The following KIF25 variants were observed in gnomAD, a reference collection of about 807,000 sequenced individuals.
The protein encoded by KIF25 is kinesin family member 25, also known as kinesin-like protein KIF25.
A neutral mutation model predicts 32.9 loss-of-function variants in KIF25; 19 were observed. The ratio of observed to expected loss-of-function variants is 0.58; its 90% CI spans 0.40 to 0.85. The LOEUF (loss-of-function observed/expected upper bound fraction) is 0.85. Ranked by LOEUF, KIF25 falls within the 40% of genes least tolerant of loss-of-function variation. The pLI is 0.00. For synonymous variants in KIF25, 225 were observed against 213.7 expected, an observed-to-expected ratio of 1.05 and a Z score of -0.46; for missense variants, 485 against 507.0, an observed-to-expected ratio of 0.96 and a Z score of 0.42.
intron 2 of KIF25, among the ~76,000 whole-genome samples, chr6:168,002,277 A>G: frequency 8.5e-6 from 1 of 117,382 alleles, no homozygotes; most frequent in South Asian, 2.6e-4. Flanking sequence ...GTGAGAAGAC[A>G]CCTTCAGGCG....
chr6:168,020,303 C>T (rs561358873), intron 5 of KIF25, among the ~76,000 whole-genome samples: 1 of 152,218 alleles, frequency 6.6e-6, no homozygotes, highest in African/African-American at 2.4e-5. Flanking sequence ...GAAAGAGAAA[C>T]AGTCCATCCA....
intron 7 of KIF25, among the ~76,000 whole-genome samples, chr6:168,032,592 C>G (rs1257105632): frequency 6.6e-6 from 1 of 152,220 alleles, no homozygotes; most frequent in Non-Finnish European, 1.5e-5. Context: ...CCTAGTGACT[C>G]AAACCGTCAG....
chr6:168,017,827 C>G (rs550509563), intron 4 of KIF25, 146 bp from the exon 5 acceptor site: 2 of 152,368 alleles, frequency 1.3e-5, no homozygotes, highest in South Asian at 4.1e-4. Flanking sequence ...AGCAGCCATA[C>G]ACAGTCTGTA....
At chr6:168,027,113 C>A (rs951572485) in intron 5 of KIF25, among the ~76,000 whole-genome samples, 2 of 152,120 alleles carry the variant, frequency 1.3e-5, no homozygotes, top group Admixed American at 6.6e-5. Flanking sequence ...GGCCCTCGAC[C>A]TGGGGCTTGA....
At chr6:168,035,879 A>T (rs1799018287) in intron 8 of KIF25, 1 of 423,182 alleles carries the variant, frequency 2.4e-6, no homozygotes, top group Non-Finnish European at 4.9e-6. Context: ...ATCGGAGCAG[A>T]CACGGACCGT....
At chr6:168,039,488 G>A (rs182981754) in intron 9 of KIF25, among the ~76,000 whole-genome samples, 2 of 152,372 alleles carry the variant, frequency 1.3e-5, no homozygotes, top group African/African-American at 4.8e-5. Context: ...GGCCCAGTCA[G>A]GCTGCCCATC....
intron 7 of KIF25, 51 bp from the exon 8 acceptor site, chr6:168,033,831 T>C: frequency 6.4e-7 from 1 of 1,568,328 alleles, no homozygotes; most frequent in Non-Finnish European, 8.7e-7. Flanking sequence ...TCCTGGAATC[T>C]TCTTGGCACC....
intron 4 of KIF25, among the ~76,000 whole-genome samples, chr6:168,008,847 G>T (rs1386272285): frequency 6.6e-6 from 1 of 151,924 alleles, no homozygotes; most frequent in South Asian, 2.1e-4. Flanking sequence ...GTATATAAAT[G>T]GGAGTGCCTT....
intron 4 of KIF25, among the ~76,000 whole-genome samples, chr6:168,016,031 G>T (rs757764689): frequency 2.6e-5 from 4 of 152,174 alleles, no homozygotes; most frequent in African/African-American, 7.2e-5. Flanking sequence ...GGAGCACTAG[G>T]ATTACATTCT....
intron 9 of KIF25, 29 bp from the exon 10 acceptor site, chr6:168,040,036 G>C: frequency 6.3e-7 from 1 of 1,594,572 alleles, no homozygotes. Context: ...CGCCCTCACT[G>C]TGTTCCCCAC....
At chr6:168,028,364 T>G (rs892094222) in intron 5 of KIF25, among the ~76,000 whole-genome samples, 7 of 152,116 alleles carry the variant, frequency 4.6e-5, no homozygotes, top group Non-Finnish European at 8.8e-5. Context: ...ACACCACTTA[T>G]TAAAACACCT....
intron 4 of KIF25, among the ~76,000 whole-genome samples, chr6:168,004,965 G>A (rs563133535): frequency 7.2e-4 from 110 of 152,258 alleles, no homozygotes; most frequent in Middle Eastern, 3.4e-3. Flanking sequence ...GCCAGAATGC[G>A]GACATTTCAC....
At chr6:168,022,137 A>G (rs758233247) in intron 5 of KIF25, among the ~76,000 whole-genome samples, 1 of 152,188 alleles carries the variant, frequency 6.6e-6, no homozygotes, top group Non-Finnish European at 1.5e-5. Context: ...TGAAATTCCT[A>G]TTAGATATAG....
chr6:168,003,493 A>C (rs1262574443), intron 3 of KIF25, 121 bp from the exon 4 acceptor site: 2 of 149,938 alleles, frequency 1.3e-5, no homozygotes, highest in African/African-American at 5.1e-5. Context: ...TTTTAGAGTG[A>C]CCAGGACAGA....
At chr6:168,041,730 C>T (rs946118603) in intron 10 of KIF25, among the ~76,000 whole-genome samples, 2 of 152,206 alleles carry the variant, frequency 1.3e-5, no homozygotes, top group Admixed American at 1.3e-4. Flanking sequence ...TTGATTTCCT[C>T]TGGGCCAATT....
chr6:168,044,988 C>T lies in KIF25; in HGVS notation c.1147C>T (p.Pro383Ser). The T allele has an allele frequency of 6.3e-7, 1 of 1,591,134 alleles. No homozygotes were observed. The highest frequency in any genetic ancestry group is 8.6e-7 in the Non-Finnish European group (1 of 1,167,432). The change falls in exon 13 of 13, where the codon CCG (proline) becomes TCG (serine). Residue 383 changes from proline to serine, a missense_variant. Physicochemically the swap from Pro to Ser is moderately conservative, Grantham distance 74. Transcript: ENST00000643607. ...PSSQTEGKRRPD is the reference protein window; with the variant it reads ...PSSQTEGKRRSD The stretch of plus-strand genomic sequence containing the variant: ...CTCCCAAACGGAGGGGAAGAGGAGG[C>T]CGGATTGAATGCATTAACAAGTTTT...
In KIF25 at chr6:168,029,205, A is replaced by T. The variant is rs562203104; in HGVS notation, c.-94-287A>T. Among the ~76,000 whole-genome samples, 5 of 152,360 alleles carry T rather than the reference A, an allele frequency of 3.3e-5. No homozygotes were observed. The East Asian group carries it at 9.6e-4, about 29-fold the overall frequency. Reference sequence around the variant, plus strand: ...TATGGGAAAAACTCCAGTATTCTTTAAAGGTAAGATGTACACAAAACCTAA... The same window carrying T: ...TATGGGAAAAACTCCAGTATTCTTTTAAGGTAAGATGTACACAAAACCTAA... On this transcript the variant is annotated intron_variant, in intron 5 of 12. Coordinates refer to ENST00000643607, the MANE Select transcript of KIF25 (RefSeq NM_030615.4).
At chr6:168,025,938 G>C (rs1299554494) in intron 5 of KIF25, among the ~76,000 whole-genome samples, 2 of 152,206 alleles carry the variant, frequency 1.3e-5, no homozygotes, top group Non-Finnish European at 2.9e-5. Context: ...TCACAGAGTG[G>C]CTAGAGCTTG....
intron 4 of KIF25, among the ~76,000 whole-genome samples, chr6:168,017,424 C>T (rs1050054618): frequency 6.6e-6 from 1 of 152,198 alleles, no homozygotes; most frequent in Non-Finnish European, 1.5e-5. Context: ...AAACTAATTT[C>T]AGATTTCTTG....
Sources: allele counts gnomAD v4.1 joint callset (sites outside exome capture counted in the v4.1 genomes callset), GRCh38; gene constraint gnomAD v4.1.1; transcripts MANE v1.5; gene names NCBI Gene and HGNC (gene_info 2026-07-23, HGNC 2026-07-21).